The following SFPQ variants were observed in gnomAD, a reference collection of about 807,000 sequenced individuals.
SFPQ encodes the protein splicing factor, proline- and glutamine-rich.
SFPQ carries 11 observed loss-of-function variants against 72.9 expected under a neutral mutation model. The ratio of observed to expected loss-of-function variants is 0.15; its 90% confidence interval spans 0.09 to 0.25. The LOEUF is 0.25. Among genes scored for constraint, SFPQ ranks in the 10% least tolerant of loss-of-function variants. The probability of loss-of-function intolerance (pLI) is 1.00; values close to 1 mark genes in which losing one functional copy is unlikely to be tolerated. For missense variants in SFPQ, 847 were observed against 993.3 expected (o/e 0.85, Z 1.98); for synonymous variants, 506 against 367.3 (o/e 1.38, Z -4.32).
intron 9 of SFPQ, among the ~76,000 whole-genome samples, chr1:35,184,864 G>C (rs958401750): frequency 2.0e-5 from 3 of 152,192 alleles, no homozygotes; most frequent in Non-Finnish European, 4.4e-5. Flanking sequence ...TTAAGAATTA[G>C]TGCAGATGTG....
At chr1:35,186,212 C>T (rs1438110482) in intron 9 of SFPQ, among the ~76,000 whole-genome samples, 1 of 152,212 alleles carries the variant, frequency 6.6e-6, no homozygotes, top group South Asian at 2.1e-4. Flanking sequence ...TCACATTCAA[C>T]TCAGCTATAA....
chr1:35,177,960 A>G, downstream of SFPQ: 1 of 1,114,310 alleles, frequency 9.0e-7, no homozygotes, highest in Non-Finnish European at 1.2e-6. Flanking sequence ...AAAAGCCTGT[A>G]GGGGTTAAGA....
Position 35,189,083 on chromosome 1 carries a change from C to G in SFPQ, c.1617G>C (p.Leu539=), listed in dbSNP as rs1346365396. 1.2e-6 allele frequency: 2 copies of G among 1,613,350 alleles called. No individual in the cohort carries two copies. Among genetic ancestry groups the G allele is most frequent in the Non-Finnish European group, 1.7e-6 (2 of 1,179,834 alleles). The change falls in exon 6 of 10, where the codon CTG becomes CTC. Residue 539 remains leucine, a synonymous_variant. Coordinates refer to ENST00000357214, the MANE Select transcript of SFPQ (RefSeq NM_005066.3). ...EHQANLLRQD[L]MRRQEELRRM... is the part of the protein sequence containing the mutation. ...GTCTTAATTCTTCCTGTCGTCTCATCAGATCTGAACATTGGAAAATATTTG... is the reference window on the plus strand; with the variant it reads ...GTCTTAATTCTTCCTGTCGTCTCATGAGATCTGAACATTGGAAAATATTTG...
intron 1 of SFPQ, 128 bp downstream of exon 1, chr1:35,192,094 C>A (rs1051929015): frequency 4.1e-6 from 3 of 737,492 alleles, no homozygotes; most frequent in Non-Finnish European, 5.5e-6. Flanking sequence ...CCGCCCCGCC[C>A]CCGCAGCGGC....
chr1:35,178,637 AT>A (rs751997698), downstream of SFPQ: 19 of 1,056,196 alleles, frequency 1.8e-5, no homozygotes, highest in Non-Finnish European at 2.2e-5. Context: ...CAAGGAACCA[AT>A]TTTTTTCTGA....
chr1:35,181,913 T>C (rs1241107344), downstream of SFPQ: 6 of 985,214 alleles, frequency 6.1e-6, no homozygotes, highest in Non-Finnish European at 7.2e-6. Context: ...GAAAGTCAAA[T>C]GTCATTTGAA....
intron 7 of SFPQ, among the ~76,000 whole-genome samples, chr1:35,187,765 A>AAACAAAAAAACAAAACAG (rs1639793542): frequency 1.3e-5 from 2 of 151,850 alleles, no homozygotes; most frequent in African/African-American, 4.8e-5. Context: ...AAACAAAACA[A>AAACAAAAAAACAAAACAG]AACAAAAAAA....
chr1:35,179,800 T>C, downstream of SFPQ: 2 of 1,054,454 alleles, frequency 1.9e-6, no homozygotes, highest in South Asian at 4.6e-5. Flanking sequence ...TGGTAAGAAA[T>C]AGACCTGAGT....
downstream of SFPQ, chr1:35,179,031 A>G (rs1156375478): frequency 9.4e-7 from 1 of 1,059,100 alleles, no homozygotes; most frequent in Non-Finnish European, 1.1e-6. Context: ...GATGATTAGG[A>G]GCAGTCAAAT....
chr1:35,189,136 G>A (rs1421413454), intron 5 of SFPQ, 49 bp from the exon 6 acceptor site: 1 of 1,613,270 alleles, frequency 6.2e-7, no homozygotes, highest in East Asian at 2.2e-5. Flanking sequence ...TTCTAATAAG[G>A]TGAAAAACAA....
chr1:35,187,222 T>A lies in SFPQ; in HGVS notation c.1845A>T (p.Gly615=). The A allele has an allele frequency of 6.2e-7, 1 of 1,614,184 alleles. No homozygotes were observed. Among genetic ancestry groups the A allele is most frequent in the Non-Finnish European group, 8.5e-7 (1 of 1,180,028 alleles). ...ACTTACCTCCCATGTTCATTGCTCC[T>A]CCGCCACCCATTCGCATGTCTCTTT... ...PRERDMRMGG[G]GAMNMGDPYG... The change falls in exon 8 of 10, where the codon GGA becomes GGT. Residue 615 remains glycine, a synonymous_variant. Coordinates refer to ENST00000357214, the MANE Select transcript of SFPQ (RefSeq NM_005066.3).
Position 35,189,015 on chromosome 1 carries a change from T to C in SFPQ, c.1685A>G (p.Glu562Gly). ...AACACAATTTTACCTCAATTGCATT[T>C]CTTTACGTTTCTGCATTTCTTGATT... is the stretch of plus-strand genomic sequence containing the variant. ...LHNQEMQKRK[E>G]MQLRQEEERR... Residue 562 changes from glutamate to glycine, a missense_variant, in exon 6 of 10, where the codon GAA becomes GGA. Physicochemically the swap from Glu to Gly is moderately conservative, Grantham distance 98. This residue lies in a region of SFPQ where 132 missense variants were observed against 255.4 expected (regional missense o/e 0.52). Transcript: ENST00000357214. 6.2e-7 allele frequency: 1 copy of C among 1,611,426 alleles called. No individual in the cohort carries two copies. The highest frequency in any genetic ancestry group is 8.5e-7 in the Non-Finnish European group (1 of 1,179,158).
At chr1:35,185,457 A>G (rs1028336145) in intron 9 of SFPQ, among the ~76,000 whole-genome samples, 5 of 152,232 alleles carry the variant, frequency 3.3e-5, no homozygotes, top group Admixed American at 6.5e-5. Flanking sequence ...AGTAACTGCA[A>G]TAAAGCAGTG....
chr1:35,186,930 A>G, intron 9 of SFPQ, 71 bp downstream of exon 9: 4 of 1,514,486 alleles, frequency 2.6e-6, no homozygotes, highest in South Asian at 2.5e-5. Context: ...AAACAAAACA[A>G]AACAAAACAA....
Position 35,188,012 on chromosome 1 carries a change from T to C in SFPQ, c.1776A>G (p.Gln592=), listed in dbSNP as rs752705541. The change falls in exon 7 of 10, where the codon CAA becomes CAG. Residue 592 remains glutamine (Q), a synonymous_variant. Coordinates refer to ENST00000357214, the MANE Select transcript of SFPQ (RefSeq NM_005066.3). ...QREMEEQMRR[Q]REESYSRMGY... ...CCATTCGGCTGTAACTTTCCTCTCT[T>C]TGGCGCCTCATTTGTTCTTCCATCT... The C allele has an allele frequency of 7.4e-6, 12 of 1,614,052 alleles. 1 individual carries two copies. The highest frequency in any genetic ancestry group is 1.7e-5 in the Admixed American group (1 of 60,010).
chr1:35,186,498 A>AG (rs1639721242), intron 9 of SFPQ, among the ~76,000 whole-genome samples: 1 of 152,180 alleles, frequency 6.6e-6, no homozygotes, highest in Non-Finnish European at 1.5e-5. Context: ...ACGAGTCAAA[A>AG]CACTCAATTC....
chr1:35,181,453 G>A, downstream of SFPQ: 1 of 1,063,436 alleles, frequency 9.4e-7, no homozygotes, highest in Non-Finnish European at 1.1e-6. Flanking sequence ...TTATATTAGT[G>A]GTACAATACA....
chr1:35,188,492 A>G (rs990940605), intron 6 of SFPQ, among the ~76,000 whole-genome samples: 1 of 152,138 alleles, frequency 6.6e-6, no homozygotes, highest in Admixed American at 6.5e-5. Flanking sequence ...TAGGCAATAT[A>G]GGAAGACTCC....
chr1:35,192,868 G>T lies in SFPQ; in HGVS notation c.182C>A (p.Pro61Gln). 1 of 1,534,166 alleles carries T rather than the reference G, an allele frequency of 6.5e-7. No homozygotes were observed. The highest frequency in any genetic ancestry group is 1.9e-5 in the Admixed American group (1 of 51,926). ...PGQSGPKPPI[P>Q]PPPPHQQQQQ... ...CTGCTGTTGGTGTGGAGGCGGTGGC[G>T]GGATCGGAGGCTTAGGGCCGCTCTG... is the stretch of plus-strand genomic sequence containing the variant. The change falls in exon 1 of 10, where the codon CCG becomes CAG. Residue 61 changes from proline (P) to glutamine (Q), a missense_variant. This residue lies in a region of SFPQ where 498 missense variants were observed against 405.1 expected (regional missense o/e 1.23). Coordinates refer to ENST00000357214, the MANE Select transcript of SFPQ (RefSeq NM_005066.3).
Sources: allele counts gnomAD v4.1 joint callset (sites outside exome capture counted in the v4.1 genomes callset), GRCh38; gene constraint gnomAD v4.1.1; regional missense constraint gnomAD v4.1.1; transcripts MANE v1.5; gene names NCBI Gene and HGNC (gene_info 2026-07-23, HGNC 2026-07-21).